SYT1: variants seen among roughly 807,000 people sequenced by gnomAD.
SYT1 encodes synaptotagmin-1.
In SYT1, 8 loss-of-function variants were observed where a neutral mutation model predicts 44.8. That is an observed-to-expected ratio of 0.18 (90% CI 0.10 to 0.32). SYT1 has a LOEUF of 0.32. Among genes scored for constraint, SYT1 ranks in the 10% least tolerant of loss-of-function variants. The pLI is 1.00. For missense variants in SYT1, 286 were observed against 509.3 expected (o/e 0.56, Z 4.22); for synonymous variants, 154 against 188.8 (o/e 0.82, Z 1.51).
At chr12:78,878,612 A>G (rs1874295842) in intron 1 of SYT1, among the ~76,000 whole-genome samples, 2 of 151,806 alleles carry the variant, frequency 1.3e-5, no homozygotes, top group Admixed American at 6.6e-5. Context: ...CCAAGACACC[A>G]TTAGCCACCC....
At chr12:78,909,696 T>C (rs1342135663) in intron 1 of SYT1, among the ~76,000 whole-genome samples, 2 of 151,980 alleles carry the variant, frequency 1.3e-5, no homozygotes, top group Non-Finnish European at 2.9e-5. Context: ...TAATGACTAA[T>C]CAATATAATA....
At chr12:78,881,836 T>C (rs900624683) in intron 1 of SYT1, among the ~76,000 whole-genome samples, 5 of 151,694 alleles carry the variant, frequency 3.3e-5, no homozygotes, top group African/African-American at 4.8e-5. Context: ...CTAGGGCTCA[T>C]CTTTGACAAG....
intron 3 of SYT1, among the ~76,000 whole-genome samples, chr12:79,138,643 TTGTGTGTGTGTGCA>T (rs1555201227): frequency 2.0e-5 from 3 of 152,134 alleles, no homozygotes; most frequent in African/African-American, 4.8e-5. Context: ...TACATATTAT[TTGTGTGTGTGTGCA>T]TGTGTGTGTG....
intron 1 of SYT1, among the ~76,000 whole-genome samples, chr12:78,903,207 G>T (rs947496155): frequency 1.3e-5 from 2 of 151,342 alleles, no homozygotes; most frequent in African/African-American, 4.9e-5. Context: ...CTTAAAAAGA[G>T]TTTTGTGTTT....
chr12:78,875,517 G>A (rs930894560), intron 1 of SYT1, among the ~76,000 whole-genome samples: 1 of 151,768 alleles, frequency 6.6e-6, no homozygotes, highest in East Asian at 1.9e-4. Flanking sequence ...GGGGTCAAAT[G>A]AAGCAACCAG....
chr12:79,026,667 T>TTATTTATATA (rs1555190336), intron 2 of SYT1, among the ~76,000 whole-genome samples: 5 of 102,258 alleles, frequency 4.9e-5, no homozygotes, highest in African/African-American at 1.5e-4. Context: ...CATATATATT[T>TTATTTATATA]TATATATATA....
chr12:79,179,512 GAT>G (rs1302884956), intron 3 of SYT1, among the ~76,000 whole-genome samples: 24 of 100,712 alleles, frequency 2.4e-4, no homozygotes, highest in Non-Finnish European at 3.2e-4. Flanking sequence ...TATAGATATA[GAT>G]ATATCTATAT....
chr12:79,231,431 A>T (rs1409666328), intron 4 of SYT1, among the ~76,000 whole-genome samples: 1 of 152,116 alleles, frequency 6.6e-6, no homozygotes, highest in Non-Finnish European at 1.5e-5. Context: ...TTTCAAAACC[A>T]CTTGAACCCT....
Position 79,111,449 on chromosome 12 carries a change from A to G in SYT1, c.-18+64087A>G, listed in dbSNP as rs1306343190. Among the ~76,000 whole-genome samples, 3 of 152,074 alleles carry G rather than the reference A, an allele frequency of 2.0e-5. No homozygotes were observed. In the East Asian group the frequency reaches 5.8e-4, roughly 29 times the overall value. On this transcript the variant is annotated intron_variant, in intron 3 of 10. Transcript: ENST00000261205. Reference sequence around the variant, plus strand: ...CAGAACCTTTCAAGCAAGGACCATGAGTTTTTTTATTCATCTTAACATAAT... The same window carrying G: ...CAGAACCTTTCAAGCAAGGACCATGGGTTTTTTTATTCATCTTAACATAAT...
At chr12:78,997,111 A>G (rs1001995288) in intron 2 of SYT1, among the ~76,000 whole-genome samples, 1 of 152,236 alleles carries the variant, frequency 6.6e-6, no homozygotes, top group African/African-American at 2.4e-5. Flanking sequence ...ATGCCTCTAT[A>G]TCTCTCAGTT....
chr12:78,918,876 G>A lies in SYT1; in HGVS notation c.-217+53767G>A, dbSNP rs142255035. On this transcript the variant is annotated intron_variant, in intron 1 of 10. Transcript: ENST00000261205. ...TAAGATCTTCAGGAGAAATGTTTATGACATACTAAATTAAATATTAAATTT... is the reference window on the plus strand; with the variant it reads ...TAAGATCTTCAGGAGAAATGTTTATAACATACTAAATTAAATATTAAATTT... 2.7e-3 allele frequency among the ~76,000 whole-genome samples: 411 copies of A among 152,172 alleles called. 3 individuals carry two copies. Among genetic ancestry groups the A allele is most frequent in the African/African-American group, 9.1e-3 (378 of 41,552 alleles).
intron 1 of SYT1, among the ~76,000 whole-genome samples, chr12:78,918,647 C>A (rs961745277): frequency 3.9e-5 from 6 of 152,142 alleles, no homozygotes; most frequent in Non-Finnish European, 5.9e-5. Flanking sequence ...ATCAGAGCAG[C>A]ACCCAGAAAA....
At chr12:78,964,152 T>A (rs1288425192) in intron 1 of SYT1, 2 of 152,090 alleles carry the variant, frequency 1.3e-5, no homozygotes, top group African/African-American at 4.8e-5. Context: ...GGCACAAAGG[T>A]AAGTCCCAAA....
chr12:79,113,981 C>T (rs906764521), intron 3 of SYT1, among the ~76,000 whole-genome samples: 1 of 152,114 alleles, frequency 6.6e-6, no homozygotes, highest in Non-Finnish European at 1.5e-5. Context: ...GTTCTGACTC[C>T]ACAACAGGAA....
intron 8 of SYT1, among the ~76,000 whole-genome samples, chr12:79,346,629 G>T (rs1426138392): frequency 1.3e-5 from 2 of 152,286 alleles, no homozygotes; most frequent in African/African-American, 4.8e-5. Flanking sequence ...AAATGGTTTT[G>T]TTTCTAGTTT....
intron 8 of SYT1, among the ~76,000 whole-genome samples, chr12:79,308,267 G>T (rs888511750): frequency 1.3e-5 from 2 of 152,166 alleles, no homozygotes; most frequent in Non-Finnish European, 2.9e-5. Flanking sequence ...GCTCACGCCT[G>T]TAATCCCAGC....
intron 1 of SYT1, among the ~76,000 whole-genome samples, chr12:78,957,987 C>A (rs1027620702): frequency 2.0e-5 from 3 of 152,058 alleles, no homozygotes; most frequent in Admixed American, 6.6e-5. Context: ...TTTCTCTTTT[C>A]CTTTAAATTC....
intron 1 of SYT1, among the ~76,000 whole-genome samples, chr12:78,968,402 C>T (rs1868298726): frequency 6.6e-6 from 1 of 152,062 alleles, no homozygotes; most frequent in Admixed American, 6.6e-5. Flanking sequence ...CAAAAGGAAA[C>T]TTTGGAATCT....
chr12:79,137,432 C>G (rs1185768885), intron 3 of SYT1, among the ~76,000 whole-genome samples: 4 of 152,048 alleles, frequency 2.6e-5, no homozygotes, highest in Non-Finnish European at 1.5e-5. Context: ...TATCTATTAT[C>G]TCATTAATAC....
Sources: gnomAD v4.1 joint callset for allele counts (sites outside exome capture counted in the v4.1 genomes callset) on GRCh38, gnomAD v4.1.1 for gene constraint, MANE v1.5 for transcripts, NCBI Gene and HGNC (gene_info 2026-07-23, HGNC 2026-07-21) for gene names.